The following UGGT2 variants were observed in gnomAD, a reference collection of about 807,000 sequenced individuals.
The protein encoded by UGGT2 is UDP-glucose:glycoprotein glucosyltransferase 2.
Under a neutral mutation model 192.1 loss-of-function variants are expected in UGGT2, and 180 were observed. The ratio of observed to expected loss-of-function variants is 0.94; its 90% CI spans 0.83 to 1.06. The LOEUF is 1.06. Ranked by LOEUF, UGGT2 falls within the 50% of genes least tolerant of loss-of-function variation. The probability of loss-of-function intolerance (pLI) is 0.00; values close to 1 mark genes in which losing one functional copy is unlikely to be tolerated. For synonymous variants in UGGT2, 580 were observed against 591.0 expected (o/e 0.98, Z 0.27); for missense variants, 1,849 against 1,795.7 (o/e 1.03, Z -0.54).
At chr13:95,970,937 G>A (rs1372541957) in intron 11 of UGGT2, among the ~76,000 whole-genome samples, 1 of 152,150 alleles carries the variant, frequency 6.6e-6, no homozygotes, top group African/African-American at 2.4e-5. Flanking sequence ...CCTGCTTATG[G>A]ACTTCATCAG....
At chr13:96,040,371 T>A (rs943136111) in intron 1 of UGGT2, among the ~76,000 whole-genome samples, 4 of 152,166 alleles carry the variant, frequency 2.6e-5, no homozygotes, top group African/African-American at 9.7e-5. Flanking sequence ...TAACTTCACA[T>A]GGCCTTCTCC....
At chr13:95,983,025 C>T (rs925079660) in intron 10 of UGGT2, among the ~76,000 whole-genome samples, 2 of 152,154 alleles carry the variant, frequency 1.3e-5, no homozygotes, top group African/African-American at 4.8e-5. Context: ...TAGCACCATA[C>T]CCAGGCCACT....
At chr13:95,910,964 T>A (rs2048474555) in intron 20 of UGGT2, among the ~76,000 whole-genome samples, 1 of 152,190 alleles carries the variant, frequency 6.6e-6, no homozygotes. Context: ...ACATGAAAAC[T>A]GAACAACTTG....
At chr13:95,891,116 A>G (rs532078940) in intron 24 of UGGT2, 152 bp from the exon 25 acceptor site, 1 of 551,228 alleles carries the variant, frequency 1.8e-6, no homozygotes, top group South Asian at 3.2e-5. Context: ...CAAATCTGAA[A>G]ATCTGTTTTC....
chr13:95,921,196 G>A (rs533698849), intron 20 of UGGT2, among the ~76,000 whole-genome samples: 30 of 152,182 alleles, frequency 2.0e-4, no homozygotes, highest in African/African-American at 6.5e-4. Flanking sequence ...TCTGTTGGGG[G>A]TAGGGGGTGT....
intron 24 of UGGT2, among the ~76,000 whole-genome samples, chr13:95,893,356 T>TAC (rs2047855946): frequency 6.6e-6 from 1 of 152,162 alleles, no homozygotes; most frequent in African/African-American, 2.4e-5. Flanking sequence ...TATACATGTA[T>TAC]ACACACACAT....
In UGGT2 at chr13:95,927,068, A is replaced by AAATTG. The variant is rs766515049; in HGVS notation, c.2159_2160insCAATT (p.Ala721AsnfsTer4). On this transcript the variant is annotated frameshift_variant, in exon 19 of 39. Coordinates refer to ENST00000376747, the MANE Select transcript of UGGT2 (RefSeq NM_020121.4). LOFTEE classifies it high-confidence loss of function. ...AATACATGTTCTTTGCAATTACAGC[A>AAATTG]CTCTTATCTTGTGAATCCAAGAAAA... The AAATTG allele has an allele frequency of 1.1e-5, 18 of 1,610,956 alleles. No individual in the cohort carries two copies. Among genetic ancestry groups the AAATTG allele is most frequent in the Non-Finnish European group, 1.5e-5 (18 of 1,179,162 alleles).
chr13:95,896,444 T>C (rs1174905125), intron 22 of UGGT2, among the ~76,000 whole-genome samples: 1 of 152,146 alleles, frequency 6.6e-6, no homozygotes, highest in East Asian at 1.9e-4. Flanking sequence ...AGACGTGATA[T>C]AATTTTTAAA....
intron 26 of UGGT2, among the ~76,000 whole-genome samples, chr13:95,886,363 G>A (rs1382439527): frequency 6.6e-6 from 1 of 152,122 alleles, no homozygotes; most frequent in Non-Finnish European, 1.5e-5. Context: ...AAAAATAACT[G>A]TATACTCTAG....
At chr13:95,907,135 C>A (rs58509921) in intron 20 of UGGT2, among the ~76,000 whole-genome samples, 8,161 of 152,324 alleles carry the variant, frequency 0.054, 353 homozygotes, top group East Asian at 0.14. Context: ...AGGTCCCACA[C>A]CCACGGAGCC....
chr13:95,914,251 A>T, intron 20 of UGGT2, among the ~76,000 whole-genome samples: 1 of 152,134 alleles, frequency 6.6e-6, no homozygotes, highest in Non-Finnish European at 1.5e-5. Context: ...TATAATAAAA[A>T]AAAAAAAGAA....
intron 1 of UGGT2, among the ~76,000 whole-genome samples, chr13:96,035,084 T>A (rs1391186841): frequency 6.6e-6 from 1 of 152,070 alleles, no homozygotes; most frequent in East Asian, 1.9e-4. Context: ...TTAGAAAATA[T>A]GAAAAAGAGC....
At chr13:95,860,976 T>C in intron 31 of UGGT2, 93 bp from the exon 32 acceptor site, 3 of 586,382 alleles carry the variant, frequency 5.1e-6, no homozygotes, top group Non-Finnish European at 8.2e-6. Context: ...TATAGAAATG[T>C]ATTTCAAAAT....
At chr13:95,816,508 G>T (rs1884907812) in intron 38 of UGGT2, among the ~76,000 whole-genome samples, 1 of 152,100 alleles carries the variant, frequency 6.6e-6, no homozygotes, top group East Asian at 1.9e-4. Context: ...TCATCAAATA[G>T]AAAGGATAAG....
At chr13:95,947,304 T>C in intron 14 of UGGT2, 132 bp from the exon 15 acceptor site, 1 of 998,250 alleles carries the variant, frequency 1.0e-6, no homozygotes, top group South Asian at 2.2e-5. Flanking sequence ...AAGGAGAATT[T>C]TATCACTTCA....
In UGGT2 at chr13:95,899,428, T is replaced by G. The variant is rs918441891; in HGVS notation, c.2634+1379A>C. 3.3e-5 allele frequency among the ~76,000 whole-genome samples: 5 copies of G among 152,094 alleles called. No individual in the cohort carries two copies. In the East Asian group the frequency reaches 9.6e-4, roughly 29 times the overall value. ...ATCTAGAAGAATGTTTGGTTCACAGTAGGTGTAAGATTAATATCTTAATAT... is the reference window on the plus strand; with the variant it reads ...ATCTAGAAGAATGTTTGGTTCACAGGAGGTGTAAGATTAATATCTTAATAT... On this transcript the variant is annotated intron_variant, in intron 22 of 38. Coordinates refer to ENST00000376747, the MANE Select transcript of UGGT2 (RefSeq NM_020121.4).
rs977032328 is a variant in UGGT2 at position 95,868,929 on chromosome 13, C to CA, written c.3474-1507dup. 4.6e-5 allele frequency among the ~76,000 whole-genome samples: 7 copies of CA among 151,954 alleles called. No individual in the cohort carries two copies. The East Asian group carries it at 1.4e-3, about 29-fold the overall frequency. On this transcript the variant is annotated intron_variant, in intron 29 of 38. Transcript: ENST00000376747. ...CTTTAAGTTTTAGGGTACATGTGCACAATGTGCAGGTTTGTTACATATGTA... is the reference window on the plus strand; with the variant it reads ...CTTTAAGTTTTAGGGTACATGTGCACAAATGTGCAGGTTTGTTACATATGTA...
rs1441417601 is a variant in UGGT2, at chr13:96,053,168, G to C, written c.145C>G (p.Leu49Val). The C allele has an allele frequency of 4.0e-6, 6 of 1,514,154 alleles. No individual in the cohort carries two copies. The highest frequency in any genetic ancestry group is 2.0e-5 in the Admixed American group (1 of 49,636). 93.8% of individuals were successfully genotyped at this position (1,514,154 alleles called of 1,614,324 possible). ...GCCCGCACCCACCTTGCCTCCAGCA[G>C]CAGCGGGGTCTCGGGCCACTTCGCG... ...LAAKWPETPL[L>V]LEASEFMAEE... The change falls in exon 1 of 39, where the codon CTG becomes GTG. Residue 49 changes from leucine (L) to valine (V), a missense_variant. Transcript: ENST00000376747.
At position 95,877,340 on chromosome 13, in the gene UGGT2, G is replaced by A. The variant is rs751319084; in HGVS notation, c.3412C>T (p.Pro1138Ser). The A allele has an allele frequency of 1.9e-6, 3 of 1,604,174 alleles. No individual in the cohort carries two copies. Among genetic ancestry groups the A allele is most frequent in the South Asian group, 2.3e-5 (2 of 87,996 alleles). Reference protein sequence around the residue: ...HHGYFQLKANPGAWILRLHQG... With the variant: ...HHGYFQLKANSGAWILRLHQG... Reference sequence around the variant, plus strand: ...TGTAACCTCAGTATCCAAGCACCTGGGTTTGCTTTTAATTGAAAATACCCC... The same window carrying A: ...TGTAACCTCAGTATCCAAGCACCTGAGTTTGCTTTTAATTGAAAATACCCC... Residue 1138 changes from proline (P) to serine (S), a missense_variant, in exon 29 of 39, where the codon CCA becomes TCA. Physicochemically the swap from Pro to Ser is moderately conservative, Grantham distance 74. Coordinates refer to ENST00000376747, the MANE Select transcript of UGGT2 (RefSeq NM_020121.4).
Sources: gnomAD v4.1 joint callset for allele counts (sites outside exome capture counted in the v4.1 genomes callset) on GRCh38, gnomAD v4.1.1 for gene constraint, MANE v1.5 for transcripts, NCBI Gene and HGNC (gene_info 2026-07-23, HGNC 2026-07-21) for gene names.